Variants in ANK1 observed in about 807,000 individuals in gnomAD.
The protein encoded by ANK1 is ankyrin 1, also known as ankyrin-1.
ANK1 carries 51 observed loss-of-function variants against 210.4 expected under a neutral mutation model. That is an observed-to-expected ratio of 0.24 (90% CI 0.19 to 0.31). The LOEUF (loss-of-function observed/expected upper bound fraction) is 0.31. ANK1 is among the 10% of genes least tolerant of loss of function. ANK1 has a pLI of 1.00. For missense variants in ANK1, 2,051 were observed against 2,504.4 expected (o/e 0.82, Z 3.86); for synonymous variants, 967 against 1,025.9 (o/e 0.94, Z 1.10).
At chr8:41,778,297 A>C (rs1018817412) in intron 1 of ANK1, among the ~76,000 whole-genome samples, 2 of 152,254 alleles carry the variant, frequency 1.3e-5, no homozygotes, top group Admixed American at 6.5e-5. Context: ...AGATGCCCCA[A>C]GACAGTGTGC....
At position 41,665,252 on chromosome 8, in the gene ANK1, A is replaced by T. The variant is rs185242397; in HGVS notation, c.5395-1510T>A. 4 of 1,509,744 alleles carry T rather than the reference A, an allele frequency of 2.6e-6. No individual in the cohort carries two copies. The Admixed American group carries it at 8.0e-5, about 30-fold the overall frequency. 93.5% of individuals were successfully genotyped at this position (1,509,744 alleles called of 1,614,324 possible). ...GCCCGGCCCAAGTGCCCTTCTGCCC[A>T]GCAGCCAGGCTCTGCCCTGAGTGGC... On this transcript the variant is annotated intron_variant, in intron 39 of 42. Coordinates refer to ENST00000289734, the MANE Select transcript of ANK1 (RefSeq NM_000037.4).
At chr8:41,745,017 T>A (rs1835745894) in intron 2 of ANK1, among the ~76,000 whole-genome samples, 1 of 152,060 alleles carries the variant, frequency 6.6e-6, no homozygotes, top group Admixed American at 6.5e-5. Flanking sequence ...ATGCAAAATA[T>A]CTTCCTGGAG....
chr8:41,746,083 A>G (rs1290849971), intron 2 of ANK1, among the ~76,000 whole-genome samples: 1 of 152,156 alleles, frequency 6.6e-6, no homozygotes, highest in Non-Finnish European at 1.5e-5. Flanking sequence ...AGTGCAATCA[A>G]ACACACTAAG....
chr8:41,727,555 G>A (rs751607099), intron 4 of ANK1, among the ~76,000 whole-genome samples: 13 of 152,116 alleles, frequency 8.5e-5, no homozygotes, highest in African/African-American at 2.9e-4. Flanking sequence ...CCTCGCCACC[G>A]TAGGTCAGTC....
intron 39 of ANK1, chr8:41,665,577 T>C (rs1161911278): frequency 6.3e-6 from 2 of 318,572 alleles, no homozygotes; most frequent in African/African-American, 4.3e-5. Context: ...CTTGTGTGTC[T>C]CCTTGGGCTG....
At chr8:41,718,280 G>T in intron 10 of ANK1, 76 bp from the exon 11 acceptor site, 1 of 1,474,150 alleles carries the variant, frequency 6.8e-7, no homozygotes, top group Non-Finnish European at 9.4e-7. Context: ...AGACCACCTG[G>T]CTGCTCTAAA....
chr8:41,727,387 A>T, intron 4 of ANK1, 39 bp from the exon 5 acceptor site: 1 of 1,477,688 alleles, frequency 6.8e-7, no homozygotes, highest in East Asian at 2.3e-5. Context: ...ATCCACCCGC[A>T]ATTTAAGAAA....
intron 2 of ANK1, among the ~76,000 whole-genome samples, chr8:41,751,105 G>A (rs1049189542): frequency 6.6e-6 from 1 of 152,188 alleles, no homozygotes; most frequent in African/African-American, 2.4e-5. Context: ...ACTCATCAAT[G>A]TGTATAGTCA....
rs566399645 is a variant in ANK1 at position 41,846,928 on chromosome 8, C to T, written c.126+49427G>A. 5.3e-5 allele frequency among the ~76,000 whole-genome samples: 8 copies of T among 152,332 alleles called. No individual in the cohort carries two copies. In the South Asian group the frequency reaches 1.7e-3, roughly 32 times the overall value. On this transcript the variant is annotated intron_variant, in intron 1 of 42. Transcript: ENST00000265709. Reference sequence around the variant, plus strand: ...AAGAAAGCTCAGCTCCAGCTCACAACCCGAACACCTCGGCCTGCCACTCCC... The same window carrying T: ...AAGAAAGCTCAGCTCCAGCTCACAATCCGAACACCTCGGCCTGCCACTCCC...
chr8:41,759,005 A>G (rs1317290098), intron 1 of ANK1, among the ~76,000 whole-genome samples: 1 of 151,898 alleles, frequency 6.6e-6, no homozygotes, highest in East Asian at 1.9e-4. Flanking sequence ...TGCTGGGATT[A>G]CAGGCATAAG....
chr8:41,836,326 C>T (rs568585103), intron 1 of ANK1, among the ~76,000 whole-genome samples: 159 of 152,376 alleles, frequency 1.0e-3, no homozygotes, highest in Non-Finnish European at 1.9e-3. Context: ...GGAAGTCATT[C>T]GTCACATACA....
intron 2 of ANK1, among the ~76,000 whole-genome samples, chr8:41,736,535 C>T (rs1833460183): frequency 6.6e-6 from 1 of 152,160 alleles, no homozygotes; most frequent in Admixed American, 6.5e-5. Context: ...GAGTGACAGC[C>T]CGGCAGCTGC....
intron 1 of ANK1, among the ~76,000 whole-genome samples, chr8:41,810,440 C>T (rs1007266762): frequency 3.9e-5 from 6 of 152,360 alleles, no homozygotes; most frequent in South Asian, 2.1e-4. Flanking sequence ...CCCCTCAGGC[C>T]GTGGATCTGA....
At chr8:41,663,539 C>T in intron 40 of ANK1, 120 bp downstream of exon 40, 1 of 1,014,370 alleles carries the variant, frequency 9.9e-7, no homozygotes, top group Non-Finnish European at 1.5e-6. Context: ...ACGGGGGCAG[C>T]CAGCCTGGCT....
chr8:41,660,409 C>A (rs908198922), intron 42 of ANK1: 3 of 469,632 alleles, frequency 6.4e-6, no homozygotes, highest in Middle Eastern at 4.4e-4. Flanking sequence ...GGCCACCATG[C>A]CCCCTCACCT....
chr8:41,813,379 G>C (rs1432725139), intron 1 of ANK1, among the ~76,000 whole-genome samples: 1 of 152,158 alleles, frequency 6.6e-6, no homozygotes, highest in Non-Finnish European at 1.5e-5. Flanking sequence ...GTCATAGCCA[G>C]ATATTAAGAA....
chr8:41,668,632 T>C, intron 38 of ANK1, 68 bp from the exon 39 acceptor site: 2 of 1,500,364 alleles, frequency 1.3e-6, no homozygotes, highest in Non-Finnish European at 1.8e-6. Context: ...CACCCATCAG[T>C]CTCATTCCTT....
intron 31 of ANK1, among the ~76,000 whole-genome samples, chr8:41,690,961 G>A (rs369541083): frequency 9.3e-4 from 142 of 152,322 alleles, no homozygotes; most frequent in African/African-American, 3.2e-3. Flanking sequence ...GGTGGCTCAC[G>A]CCTGTAATCC....
chr8:41,726,896 C>G (rs1830838607), intron 5 of ANK1, among the ~76,000 whole-genome samples: 2 of 152,206 alleles, frequency 1.3e-5, no homozygotes, highest in South Asian at 2.1e-4. Flanking sequence ...TCCAAGGGTG[C>G]ATGGTGGTTT....
Sources: allele counts gnomAD v4.1 joint callset (sites outside exome capture counted in the v4.1 genomes callset), GRCh38; gene constraint gnomAD v4.1.1; transcripts MANE v1.5; gene names NCBI Gene and HGNC (gene_info 2026-07-23, HGNC 2026-07-21).